Variants in PHF8 observed in about 807,000 individuals in gnomAD.
PHF8 encodes the protein histone lysine demethylase PHF8.
Under a neutral mutation model 74.4 loss-of-function variants are expected in PHF8, and 9 were observed. The ratio of observed to expected loss-of-function variants is 0.12; its 90% CI spans 0.07 to 0.21. PHF8 has a LOEUF of 0.21. PHF8 is among the 10% of genes least tolerant of loss of function. The probability of loss-of-function intolerance (pLI) is 1.00; values close to 1 mark genes in which losing one functional copy is unlikely to be tolerated. For synonymous variants in PHF8, 311 were observed against 316.6 expected (o/e 0.98, Z 0.19); for missense variants, 478 against 816.6 (o/e 0.59, Z 5.05).
intron 20 of PHF8, among the ~76,000 whole-genome samples, chrX:53,943,767 G>C (rs1459575025): frequency 8.9e-6 from 1 of 111,908 alleles, no homozygotes; most frequent in Non-Finnish European, 1.9e-5. Context: ...CTGGTGGGTG[G>C]CTGAGAACTT....
intron 19 of PHF8, among the ~76,000 whole-genome samples, chrX:53,958,187 G>A (rs1329694382): frequency 1.8e-5 from 2 of 108,582 alleles, no homozygotes; most frequent in African/African-American, 6.7e-5. Context: ...GACTACAGGC[G>A]TGCGCCACCA....
chrX:53,944,350 T>C (rs1441141915), intron 19 of PHF8, 107 bp from the exon 20 acceptor site: 13 of 563,451 alleles, frequency 2.3e-5, no homozygotes, highest in Non-Finnish European at 3.5e-5. Context: ...GTCTTCCTGC[T>C]TCTAGCTTTT....
In PHF8 at chrX:54,009,844, G is replaced by GGAAAAAAAAAAAAAAAAAAAAA. The variant is rs2065952773; in HGVS notation, c.946+1277_946+1278insTTTTTTTTTTTTTTTTTTTTTC. ...GGTGACAGAGTGAGACTCTGTCTCA[G>GGAAAAAAAAAAAAAAAAAAAAA]AAAAAAAAAAAAAAAAAAAAAAAAA... is the stretch of plus-strand genomic sequence containing the variant. On this transcript the variant is annotated intron_variant, in intron 8 of 21. Coordinates refer to ENST00000338154, the MANE Select transcript of PHF8 (RefSeq NM_015107.3). 1.8e-3 allele frequency among the ~76,000 whole-genome samples: 17 copies of GGAAAAAAAAAAAAAAAAAAAAA among 9,390 alleles called. 1 individual carries two copies. Among genetic ancestry groups the GGAAAAAAAAAAAAAAAAAAAAA allele is most frequent in the Admixed American group, 2.8e-3 (1 of 358 alleles). 8.2% of individuals were successfully genotyped at this position (9,390 alleles called of 115,157 possible).
intron 5 of PHF8, among the ~76,000 whole-genome samples, chrX:54,017,110 T>C (rs1422579065): frequency 8.9e-6 from 1 of 112,742 alleles, no homozygotes; most frequent in Non-Finnish European, 1.9e-5. Context: ...TCCCTAGAAC[T>C]TCCCAGGTAA....
intron 8 of PHF8, among the ~76,000 whole-genome samples, chrX:54,005,071 G>C (rs2065877557): frequency 9.0e-6 from 1 of 111,495 alleles, no homozygotes; most frequent in Non-Finnish European, 1.9e-5. Flanking sequence ...AAAAGACACA[G>C]AAAAATAAAC....
At chrX:53,982,581 T>A (rs1193551548) in intron 18 of PHF8, among the ~76,000 whole-genome samples, 1 of 112,428 alleles carries the variant, frequency 8.9e-6, no homozygotes, top group African/African-American at 3.2e-5. Context: ...AGAGGTTAAC[T>A]AGCCTGACCA....
rs141108700 is a variant in PHF8, at chrX:53,949,946, A to T, written c.2540-5703T>A. On this transcript the variant is annotated intron_variant, in intron 19 of 21. Coordinates refer to ENST00000338154, the MANE Select transcript of PHF8 (RefSeq NM_015107.3). ...AGGATGAGATGTTATGATGGGCGAC[A>T]TCAGTAAACATGGCAAAGGACCTCC... Among the ~76,000 whole-genome samples the T allele has an allele frequency of 1.1e-4, 12 of 111,123 alleles. No individual in the cohort carries two copies. The East Asian group carries it at 2.8e-3, about 26-fold the overall frequency.
intron 19 of PHF8, among the ~76,000 whole-genome samples, chrX:53,949,912 T>G (rs1239612185): frequency 1.2e-4 from 13 of 109,992 alleles, no homozygotes; most frequent in African/African-American, 4.0e-4. Context: ...AATGCATATT[T>G]AAGTATTAAG....
chrX:53,941,193 A>G (rs1041330860), intron 20 of PHF8, among the ~76,000 whole-genome samples: 3 of 112,906 alleles, frequency 2.7e-5, no homozygotes, highest in African/African-American at 9.6e-5. Context: ...CAGCTACCTC[A>G]TCTATAAAAC....
chrX:53,983,004 G>A, intron 18 of PHF8, among the ~76,000 whole-genome samples: 1 of 110,897 alleles, frequency 9.0e-6, no homozygotes, highest in Non-Finnish European at 1.9e-5. Flanking sequence ...GACCAGCCTG[G>A]GCAACATGGC....
chrX:54,034,753 G>A (rs1557113514), intron 2 of PHF8, among the ~76,000 whole-genome samples: 1 of 108,128 alleles, frequency 9.2e-6, no homozygotes, highest in African/African-American at 3.4e-5. Flanking sequence ...AACCTGGAGG[G>A]GCGGAGGTTG....
chrX:54,007,141 T>C (rs1398554668), intron 8 of PHF8, among the ~76,000 whole-genome samples: 1 of 111,287 alleles, frequency 9.0e-6, no homozygotes, highest in Non-Finnish European at 1.9e-5. Context: ...TTGACACAGG[T>C]GTCAAGACAA....
chrX:54,016,188 C>A (rs1456696587), intron 6 of PHF8, among the ~76,000 whole-genome samples: 1 of 111,524 alleles, frequency 9.0e-6, no homozygotes, highest in Non-Finnish European at 1.9e-5. Flanking sequence ...AAGAAACCAC[C>A]AGGAAGAAGA....
chrX:53,937,218 C>A lies in PHF8; in HGVS notation c.*1940G>T, dbSNP rs1217025521. On this transcript the variant is annotated 3_prime_UTR_variant, in exon 22 of 22. Coordinates refer to ENST00000338154, the MANE Select transcript of PHF8 (RefSeq NM_015107.3). ...AGAACCCAACTAAGCTAAATGAAAC[C>A]CAGTCAAACAGAGGCTGGGTTTCAG... is the stretch of plus-strand genomic sequence containing the variant. 2.7e-5 allele frequency: 3 copies of A among 111,533 alleles called. No individual in the cohort carries two copies. The Admixed American group carries it at 2.9e-4, about 11-fold the overall frequency. 9.2% of individuals were successfully genotyped at this position (111,533 alleles called of 1,213,427 possible). A position where few individuals can be genotyped will look rare whatever the true frequency, so the allele number is the denominator to read the frequency against.
In PHF8 at chrX:54,037,988, A is replaced by G. The variant is rs782092769; in HGVS notation, c.98+4643T>C. ...TCCTCTAGAGTTAAAAATCCACACCAAAGTTATTCCCTTGGGCATGTATCA... is the reference window on the plus strand; with the variant it reads ...TCCTCTAGAGTTAAAAATCCACACCGAAGTTATTCCCTTGGGCATGTATCA... On this transcript the variant is annotated intron_variant, in intron 2 of 21. Transcript: ENST00000338154. 4.4e-5 allele frequency among the ~76,000 whole-genome samples: 5 copies of G among 112,665 alleles called. No homozygotes were observed. In the South Asian group the frequency reaches 1.8e-3, roughly 41 times the overall value.
intron 18 of PHF8, among the ~76,000 whole-genome samples, chrX:53,965,690 A>G (rs1273316346): frequency 1.8e-5 from 2 of 112,306 alleles, no homozygotes. Flanking sequence ...ATGGAGACTC[A>G]GTAACTGCAC....
chrX:54,010,741 A>T (rs1385598932), intron 8 of PHF8, among the ~76,000 whole-genome samples: 3 of 111,329 alleles, frequency 2.7e-5, no homozygotes, highest in African/African-American at 9.8e-5. Flanking sequence ...TCTAAGAGTG[A>T]AGCCCAGGTA....
At chrX:53,957,208 T>C (rs7061158) in intron 19 of PHF8, among the ~76,000 whole-genome samples, 13,259 of 105,880 alleles carry the variant, frequency 0.13, 880 homozygotes, top group African/African-American at 0.25. Flanking sequence ...AAAAAAAAAT[T>C]AGCTGGGTGC....
chrX:54,015,992 G>A, intron 6 of PHF8, among the ~76,000 whole-genome samples: 1 of 111,463 alleles, frequency 9.0e-6, no homozygotes, highest in Non-Finnish European at 1.9e-5. Flanking sequence ...CTGTGGCACT[G>A]TTGTATATAG....
Sources: gnomAD v4.1 joint callset for allele counts (sites outside exome capture counted in the v4.1 genomes callset) on GRCh38, gnomAD v4.1.1 for gene constraint, MANE v1.5 for transcripts, NCBI Gene and HGNC (gene_info 2026-07-23, HGNC 2026-07-21) for gene names.